The following TCF3 variants were observed in gnomAD, a reference collection of about 807,000 sequenced individuals.
TCF3 encodes the protein transcription factor E2-alpha.
A neutral mutation model predicts 72.3 loss-of-function variants in TCF3; 54 were observed. The observed-to-expected ratio is 0.75, with a 90% CI of 0.60 to 0.94. TCF3 has a LOEUF of 0.94. TCF3 is among the 40% of genes least tolerant of loss of function. The pLI is 0.00. For synonymous variants in TCF3, 525 were observed against 412.6 expected (o/e 1.27, Z -3.30); for missense variants, 1,078 against 934.4 (o/e 1.15, Z -2.00).
At chr19:1,644,564 G>A (rs2065799163) in intron 3 of TCF3, among the ~76,000 whole-genome samples, 1 of 152,222 alleles carries the variant, frequency 6.6e-6, no homozygotes, top group South Asian at 2.1e-4. Flanking sequence ...TGCAGCATTG[G>A]GGCAGGGCCG....
chr19:1,612,386 C>T lies in TCF3; in HGVS notation c.1823-537G>A, dbSNP rs771217540. 59 of 1,611,268 alleles carry T rather than the reference C, an allele frequency of 3.7e-5. No individual in the cohort carries two copies. Among genetic ancestry groups the T allele is most frequent in the Non-Finnish European group, 4.8e-5 (56 of 1,178,402 alleles). ...CGCGTTATTGGCCATGCGCCTCTCC[C>T]GGTCCCTCAGGTCTTTCTCCTCCAG... On this transcript the variant is annotated intron_variant, in intron 18 of 18. Transcript: ENST00000262965.
At chr19:1,629,287 G>A (rs1269955108) in intron 5 of TCF3, among the ~76,000 whole-genome samples, 3 of 151,824 alleles carry the variant, frequency 2.0e-5, no homozygotes, top group East Asian at 3.9e-4. Flanking sequence ...CTGGCGGGGA[G>A]CCCCGGGGCC....
At chr19:1,634,655 C>T (rs2064159892) in intron 3 of TCF3, among the ~76,000 whole-genome samples, 1 of 152,166 alleles carries the variant, frequency 6.6e-6, no homozygotes, top group African/African-American at 2.4e-5. Context: ...TGAGAGGGAC[C>T]GGGGACTGGT....
rs750637972 is a variant in TCF3 at position 1,622,336 on chromosome 19, T to C, written c.629A>G (p.Tyr210Cys). The C allele has an allele frequency of 1.8e-5, 28 of 1,536,294 alleles. No homozygotes were observed. The highest frequency in any genetic ancestry group is 2.4e-5 in the Non-Finnish European group (27 of 1,141,386). The stretch of plus-strand genomic sequence containing the variant: ...ACCTGCCACGTAGAAGGGGGCGGGA[T>C]AGGTGCTGCTGGGGGTCTTGGCGGA... ...YPSAKTPSST[Y>C]PAPFYVADGS... is the part of the protein sequence containing the mutation. The change falls in exon 9 of 19, where the codon TAT (tyrosine) becomes TGT (cysteine). Residue 210 changes from tyrosine to cysteine, a missense_variant. Transcript: ENST00000262965.
rs768418324 is a variant in TCF3, at chr19:1,625,666, G to A, written c.409C>T (p.Pro137Ser). Residue 137 changes from proline to serine, a missense_variant, in exon 7 of 19, where the codon CCC (proline) becomes TCC (serine). Transcript: ENST00000262965. ...CCCTTCATGCCCGAAGGGGACAGGG[G>A]CCCGGGGCTGTTGAGGGCCAGCTCG... Reference protein sequence around the residue: ...SGELALNSPGPLSPSGMKGTS... With the variant: ...SGELALNSPGSLSPSGMKGTS... The A allele has an allele frequency of 9.3e-5, 143 of 1,530,328 alleles. 3 individuals are homozygous for A. In the Middle Eastern group the frequency reaches 1.3e-3, roughly 14 times the overall value. The allele number at this position is 1,530,328 out of a possible 1,614,324, so 94.8% of individuals were successfully genotyped here.
chr19:1,631,937 C>T (rs1433027734), intron 5 of TCF3, 101 bp downstream of exon 5: 9 of 1,547,280 alleles, frequency 5.8e-6, no homozygotes, highest in Admixed American at 3.9e-5. Context: ...TCTGGGTGAA[C>T]GCTGGGGACT....
intron 3 of TCF3, among the ~76,000 whole-genome samples, chr19:1,643,793 C>G (rs1170355888): frequency 2.0e-5 from 3 of 152,346 alleles, no homozygotes; most frequent in Non-Finnish European, 1.5e-5. Flanking sequence ...ACCTTTTATT[C>G]TCACCTGGGT....
chr19:1,651,446 T>A, intron 1 of TCF3: 1 of 225,818 alleles, frequency 4.4e-6, no homozygotes, highest in Middle Eastern at 1.3e-3. Flanking sequence ...CGTGTGAAAC[T>A]GACTTTTTTT....
rs1459583642 is a variant in TCF3 at position 1,614,167 on chromosome 19, CCT to C, written c.1822+1116_1822+1117del. On this transcript the variant is annotated intron_variant, in intron 18 of 18. Coordinates refer to ENST00000262965, the MANE Select transcript of TCF3 (RefSeq NM_003200.5). The surrounding 1 kb of genome is among the most constrained non-coding windows in gnomAD (Gnocchi z 5.6). ...GCCCAGTGCCCAGCATGCCTGGTGC[CCT>C]GTCTTAGTCTCTAGGGGGCTGCCTC... Among the ~76,000 whole-genome samples, 7 of 152,234 alleles carry C rather than the reference CCT, an allele frequency of 4.6e-5. No individual in the cohort carries two copies. Among genetic ancestry groups the C allele is most frequent in the African/African-American group, 7.2e-5 (3 of 41,462 alleles).
Position 1,625,639 on chromosome 19 carries a change from T to TCCC in TCF3, c.433_435dup (p.Gly145dup), listed in dbSNP as rs1405141296. 1 of 1,544,486 alleles carries TCCC rather than the reference T, an allele frequency of 6.5e-7. No homozygotes were observed. Among genetic ancestry groups the TCCC allele is most frequent in the Non-Finnish European group, 8.7e-7 (1 of 1,151,526 alleles). On this transcript the variant is annotated inframe_insertion, in exon 7 of 19. Coordinates refer to ENST00000262965, the MANE Select transcript of TCF3 (RefSeq NM_003200.5). ...GAGTAGGAGGGGTAGTACTGGGAGG[T>TCCC]CCCCTTCATGCCCGAAGGGGACAGG... is the stretch of plus-strand genomic sequence containing the variant.
intron 5 of TCF3, among the ~76,000 whole-genome samples, 179 bp from the exon 6 acceptor site, chr19:1,627,605 G>A (rs898590452): frequency 1.3e-5 from 2 of 151,922 alleles, no homozygotes; most frequent in South Asian, 2.1e-4. Flanking sequence ...CCTGGCCCCA[G>A]TATGCCCATC....
At position 1,610,027 on chromosome 19, in the gene TCF3, G is replaced by A. The variant is rs971593789; in HGVS notation, c.*1680C>T. 2.6e-5 allele frequency: 6 copies of A among 232,730 alleles called. No homozygotes were observed. The highest frequency in any genetic ancestry group is 5.1e-5 in the Non-Finnish European group (6 of 117,776). The allele number at this position is 232,730 out of a possible 1,614,324, so 14.4% of individuals were successfully genotyped here. A position where few individuals can be genotyped will look rare whatever the true frequency, so the allele number is the denominator to read the frequency against. ...GCCACAGTGACCACTGCCCTAGTTC[G>A]TGTGGAACTGGATGGGATCCCAGGG... On this transcript the variant is annotated 3_prime_UTR_variant, in exon 19 of 19. Transcript: ENST00000262965.
intron 3 of TCF3, among the ~76,000 whole-genome samples, chr19:1,645,225 C>T (rs2065908904): frequency 6.6e-6 from 1 of 152,120 alleles, no homozygotes; most frequent in Non-Finnish European, 1.5e-5. Context: ...GCTTTCCACC[C>T]AGATCCCGGA....
intron 6 of TCF3, 110 bp from the exon 7 acceptor site, chr19:1,625,818 G>T: frequency 7.7e-7 from 1 of 1,301,664 alleles, no homozygotes; most frequent in Non-Finnish European, 1.0e-6. Context: ...GCCCTGCAGT[G>T]GGTGATGCCC....
Position 1,619,868 on chromosome 19 carries a change from G to A in TCF3, c.1094-15C>T, listed in dbSNP as rs748023966. On this transcript the variant is annotated splice_polypyrimidine_tract_variant and intron_variant, in intron 13 of 18. Transcript: ENST00000262965. ...CTGTGACGTTCCTGGAAGGGAGTGG[G>A]GACGTGAATGGGGTGCGAGGGGCGG... The A allele has an allele frequency of 1.3e-5, 21 of 1,568,518 alleles. No homozygotes were observed. The South Asian group carries it at 2.2e-4, about 17-fold the overall frequency.
intron 2 of TCF3, among the ~76,000 whole-genome samples, chr19:1,649,203 G>C (rs1057166897): frequency 6.6e-6 from 1 of 152,314 alleles, no homozygotes; most frequent in Admixed American, 6.5e-5. Context: ...CTGTCTGCTC[G>C]GTGGCCCATG....
intron 5 of TCF3, among the ~76,000 whole-genome samples, chr19:1,629,748 G>A (rs1036845142): frequency 7.2e-5 from 11 of 152,220 alleles, no homozygotes; most frequent in African/African-American, 1.4e-4. Flanking sequence ...GGGCTGGGAC[G>A]CGCGATCGAG....
rs779326271 is a variant in TCF3, at chr19:1,627,404, G to A, written c.321C>T (p.Ala107=). Residue 107 remains alanine (A), a synonymous_variant, in exon 6 of 19, where the codon GCC becomes GCT. Coordinates refer to ENST00000262965, the MANE Select transcript of TCF3 (RefSeq NM_003200.5). ...CTGCGTCTCTCCCGAAGGAGGCATAGGCGCCCCGCTCACCGCTCTTGCCTG... is the reference window on the plus strand; with the variant it reads ...CTGCGTCTCTCCCGAAGGAGGCATAAGCGCCCCGCTCACCGCTCTTGCCTG... ...GLGGKSGERG[A]YASFGRDAGV... is the part of the protein sequence containing the mutation. 8 of 1,612,062 alleles carry A rather than the reference G, an allele frequency of 5.0e-6. No homozygotes were observed. Among genetic ancestry groups the A allele is most frequent in the South Asian group, 2.2e-5 (2 of 90,862 alleles).
Position 1,620,982 on chromosome 19 carries a change from G to A in TCF3, c.1079C>T (p.Pro360Leu), listed in dbSNP as rs1047013409. 6.6e-7 allele frequency: 1 copy of A among 1,514,188 alleles called. No individual in the cohort carries two copies. Among genetic ancestry groups the A allele is most frequent in the Admixed American group, 2.4e-5 (1 of 41,432 alleles). The allele number at this position is 1,514,188 out of a possible 1,614,324, so 93.8% of individuals were successfully genotyped here. Residue 360 changes from proline (P) to leucine (L), a missense_variant, in exon 13 of 19, where the codon CCC becomes CTC. Physicochemically the swap from Pro to Leu is moderately conservative, Grantham distance 98 (BLOSUM62 -3). Transcript: ENST00000262965. ...CCCTCACAGACCTGCCAGGCCCTGG[G>A]GGGAGCCCACGGGGGTAGAAGGGCT... ...SSSPSTPVGS[P>L]QGLAGTSQWP... is the part of the protein sequence containing the mutation.
Sources: allele counts gnomAD v4.1 joint callset (sites outside exome capture counted in the v4.1 genomes callset), GRCh38; gene constraint gnomAD v4.1.1; non-coding constraint Gnocchi (gnomAD v3.1); transcripts MANE v1.5; gene names NCBI Gene and HGNC (gene_info 2026-07-23, HGNC 2026-07-21).